DNAH9: variants seen among roughly 807,000 people sequenced by gnomAD.
The protein encoded by DNAH9 is DNAH9 variant protein.
DNAH9 carries 345 observed loss-of-function variants against 471.6 expected under a neutral mutation model. That is an observed-to-expected ratio of 0.73 (90% CI 0.67 to 0.80). The LOEUF (loss-of-function observed/expected upper bound fraction) is 0.80. DNAH9 is among the 30% of genes least tolerant of loss of function. DNAH9 has a pLI of 0.00. For missense variants in DNAH9, 5,407 were observed against 5,609.2 expected, an observed-to-expected ratio of 0.96 and a Z score of 1.15; for synonymous variants, 2,093 against 2,123.6, an observed-to-expected ratio of 0.99 and a Z score of 0.40.
intron 42 of DNAH9, among the ~76,000 whole-genome samples, chr17:11,794,509 C>T (rs1176615758): frequency 6.6e-6 from 1 of 152,194 alleles, no homozygotes; most frequent in Non-Finnish European, 1.5e-5. Flanking sequence ...CTCACTCTTC[C>T]TGAGTCTTCT....
chr17:11,622,893 T>C (rs2072896997), intron 6 of DNAH9, among the ~76,000 whole-genome samples: 1 of 152,032 alleles, frequency 6.6e-6, no homozygotes. Flanking sequence ...TTCTCTTACG[T>C]GTCGTTCTGT....
At chr17:11,931,023 T>G (rs942128288) in intron 63 of DNAH9, among the ~76,000 whole-genome samples, 1 of 152,256 alleles carries the variant, frequency 6.6e-6, no homozygotes, top group African/African-American at 2.4e-5. Context: ...ACTTTGTATA[T>G]GAAGTTGTAC....
intron 51 of DNAH9, among the ~76,000 whole-genome samples, chr17:11,869,671 A>T (rs1187542244): frequency 6.6e-6 from 1 of 152,140 alleles, no homozygotes; most frequent in African/African-American, 2.4e-5. Flanking sequence ...AGACCTACTG[A>T]CCCTGAGTAT....
intron 38 of DNAH9, among the ~76,000 whole-genome samples, chr17:11,775,552 C>A (rs1597628300): frequency 6.6e-6 from 1 of 151,168 alleles, no homozygotes; most frequent in Admixed American, 6.6e-5. Context: ...GCTCATTCAT[C>A]CTGCCAATCC....
chr17:11,793,019 TG>T (rs766613730), intron 41 of DNAH9, among the ~76,000 whole-genome samples: 11 of 152,226 alleles, frequency 7.2e-5, no homozygotes, highest in Non-Finnish European at 1.3e-4. Flanking sequence ...TCCACATAAC[TG>T]GCTTCAATAA....
chr17:11,882,866 C>A, intron 55 of DNAH9: 1 of 926,976 alleles, frequency 1.1e-6, no homozygotes, highest in Non-Finnish European at 1.3e-6. Context: ...GCACAGAGAA[C>A]AGCAAATCCT....
intron 6 of DNAH9, among the ~76,000 whole-genome samples, chr17:11,627,892 G>T (rs948981854): frequency 6.6e-6 from 1 of 152,184 alleles, no homozygotes; most frequent in Non-Finnish European, 1.5e-5. Flanking sequence ...ACTGCTGCTG[G>T]AGTTGGTGTG....
In DNAH9 at chr17:11,781,086, A is replaced by T; in HGVS notation, c.7630A>T (p.Ile2544Phe). ...PPGNKKLIYF[I>F]DDMNMPEVDA... Reference sequence around the variant, plus strand: ...AGGGAACAAGAAACTCATCTATTTCATTGATGACATGAACATGCCTGAGGT... The same window carrying T: ...AGGGAACAAGAAACTCATCTATTTCTTTGATGACATGAACATGCCTGAGGT... The change falls in exon 39 of 69, where the codon ATT becomes TTT. Residue 2544 changes from isoleucine (I) to phenylalanine (F), a missense_variant. Physicochemically the swap from Ile to Phe is conservative, Grantham distance 21. Around this residue, in one of 3 missense-constraint regions of DNAH9, gnomAD observed 4,636 missense variants for 4,900.3 expected, o/e 0.95. Transcript: ENST00000262442. The T allele has an allele frequency of 6.2e-7, 1 of 1,614,176 alleles. No individual in the cohort carries two copies.
chr17:11,762,772 T>TTGTTTGTTTG (rs1555584671), intron 35 of DNAH9, among the ~76,000 whole-genome samples: 5 of 107,514 alleles, frequency 4.7e-5, no homozygotes, highest in Admixed American at 9.6e-5. Flanking sequence ...TTTTTTTTGT[T>TTGTTTGTTTG]TTTTTTTTTT....
intron 45 of DNAH9, among the ~76,000 whole-genome samples, chr17:11,818,971 G>C (rs535341716): frequency 2.0e-5 from 3 of 149,992 alleles, no homozygotes; most frequent in Admixed American, 2.0e-4. Flanking sequence ...TCAACTTTTC[G>C]TCTGAGCTAG....
chr17:11,953,325 G>A (rs1299831867), intron 67 of DNAH9, among the ~76,000 whole-genome samples: 1 of 152,124 alleles, frequency 6.6e-6, no homozygotes, highest in Non-Finnish European at 1.5e-5. Flanking sequence ...GCCCTTTTGT[G>A]CTGGTCAGGC....
intron 1 of DNAH9, among the ~76,000 whole-genome samples, chr17:11,606,999 T>C (rs2072523490): frequency 6.6e-6 from 1 of 152,140 alleles, no homozygotes; most frequent in South Asian, 2.1e-4. Flanking sequence ...ACCTATGGAT[T>C]TGGGGATGAA....
chr17:11,738,819 G>C, intron 28 of DNAH9, 61 bp from the exon 29 acceptor site: 1 of 1,485,718 alleles, frequency 6.7e-7, no homozygotes, highest in Non-Finnish European at 9.3e-7. Context: ...TCCAGCTTTA[G>C]TTATGATCCC....
chr17:11,628,569 G>A (rs1026804203), intron 6 of DNAH9, among the ~76,000 whole-genome samples: 6 of 152,192 alleles, frequency 3.9e-5, no homozygotes, highest in Admixed American at 1.3e-4. Context: ...TCCTATGCAC[G>A]CCCAGCGAGG....
intron 62 of DNAH9, among the ~76,000 whole-genome samples, chr17:11,927,152 G>A (rs1271742315): frequency 6.6e-6 from 1 of 152,150 alleles, no homozygotes; most frequent in African/African-American, 2.4e-5. Context: ...TGTAGACTCA[G>A]GATATTAGAC....
chr17:11,865,881 A>C (rs550807333), intron 50 of DNAH9, among the ~76,000 whole-genome samples: 1 of 152,228 alleles, frequency 6.6e-6, no homozygotes, highest in East Asian at 1.9e-4. Context: ...CAGCTCCTTT[A>C]AGCACTTCTC....
rs745893243 is a variant in DNAH9 at position 11,742,293 on chromosome 17, A to G, written c.6091A>G (p.Lys2031Glu). The change falls in exon 30 of 69, where the codon AAA (lysine) becomes GAA (glutamate). Residue 2031 changes from lysine to glutamate, a missense_variant. Around this residue, in one of 3 missense-constraint regions of DNAH9, gnomAD observed 4,636 missense variants for 4,900.3 expected, o/e 0.95. Transcript: ENST00000262442. ...RKFITLYQLC[K>E]ELLSKQDHYD... ...GTTCATCACTCTTTACCAGTTGTGC[A>G]AAGAGCTTCTCTCCAAACAGGTAGG... The G allele has an allele frequency of 3.7e-6, 6 of 1,614,188 alleles. No homozygotes were observed. Among genetic ancestry groups the G allele is most frequent in the South Asian group, 1.1e-5 (1 of 91,082 alleles).
rs112153513 is a variant in DNAH9 at position 11,721,797 on chromosome 17, A to G, written c.5709+2307A>G. Among the ~76,000 whole-genome samples, 106 of 152,342 alleles carry G rather than the reference A, an allele frequency of 7.0e-4. 1 individual carries two copies. Among genetic ancestry groups the G allele is most frequent in the Non-Finnish European group, 1.3e-3 (89 of 68,028 alleles). ...GAGCTAGTTAACACTCAGATAGCAT[A>G]ACCCTGGGTGCTCATGTGCCCTACA... On this transcript the variant is annotated intron_variant, in intron 27 of 68. Transcript: ENST00000262442.
intron 32 of DNAH9, 58 bp downstream of exon 32, chr17:11,747,824 G>A: frequency 6.8e-7 from 1 of 1,462,094 alleles, no homozygotes; most frequent in Non-Finnish European, 9.6e-7. Flanking sequence ...CCCTGTGGCG[G>A]GCTTGGATGC....
Sources: gnomAD v4.1 joint callset for allele counts (sites outside exome capture counted in the v4.1 genomes callset) on GRCh38, gnomAD v4.1.1 for gene constraint, gnomAD v4.1.1 regional missense constraint, MANE v1.5 for transcripts, NCBI Gene and HGNC (gene_info 2026-07-23, HGNC 2026-07-21) for gene names.